IQSEC1: variants seen among roughly 807,000 people sequenced by gnomAD.
IQSEC1 encodes IQ motif and Sec7 domain ArfGEF 1.
IQSEC1 carries 31 observed loss-of-function variants against 91.0 expected under a neutral mutation model. The observed-to-expected ratio is 0.34, with a 90% CI of 0.26 to 0.46. The LOEUF (loss-of-function observed/expected upper bound fraction) is 0.46. Among genes scored for constraint, IQSEC1 ranks in the 20% least tolerant of loss-of-function variants. The pLI is 1.00. For synonymous variants in IQSEC1, 699 were observed against 662.6 expected, an observed-to-expected ratio of 1.05 and a Z score of -0.84; for missense variants, 1,388 against 1,575.6, an observed-to-expected ratio of 0.88 and a Z score of 2.02.
chr3:13,235,936 G>A (rs1200356440), intron 1 of IQSEC1, among the ~76,000 whole-genome samples: 1 of 152,108 alleles, frequency 6.6e-6, no homozygotes, highest in Non-Finnish European at 1.5e-5. Flanking sequence ...TGGGGGTTCT[G>A]GTCCCGTTCC....
At chr3:13,112,627 C>T (rs984507479) in intron 2 of IQSEC1, among the ~76,000 whole-genome samples, 9 of 152,268 alleles carry the variant, frequency 5.9e-5, no homozygotes, top group Non-Finnish European at 1.3e-4. Flanking sequence ...GTGGATGCGG[C>T]AGGAGCCTCG....
In IQSEC1 at chr3:12,920,610, G is replaced by T. The variant is rs758810959; in HGVS notation, c.1854-14C>A. On this transcript the variant is annotated splice_polypyrimidine_tract_variant and intron_variant, in intron 5 of 13. Transcript: ENST00000613206. ...CAGTAGCGCTGGCTGCGGGCCGGGA[G>T]GGAGGGGGTCAGGGCCATGGCGCAG... 1.2e-6 allele frequency: 2 copies of T among 1,613,516 alleles called. No homozygotes were observed. The highest frequency in any genetic ancestry group is 2.7e-5 in the African/African-American group (2 of 75,060).
chr3:12,899,198 GGCCA>G lies in IQSEC1; in HGVS notation c.*1781_*1784del, dbSNP rs958228598. ...TGAGGAGGGAAATCGGCAAAACCCT[GGCCA>G]GCCAGCCAGCCAAGGTGACACACAG... On this transcript the variant is annotated 3_prime_UTR_variant, in exon 14 of 14. Transcript: ENST00000613206. The G allele has an allele frequency of 1.5e-4, 91 of 623,040 alleles. No individual in the cohort carries two copies. Among genetic ancestry groups the G allele is most frequent in the East Asian group, 6.1e-4 (22 of 35,812 alleles). The allele number at this position is 623,040 out of a possible 1,614,324, so 38.6% of individuals were successfully genotyped here.
intron 2 of IQSEC1, among the ~76,000 whole-genome samples, chr3:13,128,504 A>G (rs913303093): frequency 2.6e-5 from 4 of 152,224 alleles, no homozygotes; most frequent in African/African-American, 9.7e-5. Context: ...TCTGGAATAA[A>G]TCCCACTTAG....
intron 1 of IQSEC1, among the ~76,000 whole-genome samples, chr3:12,954,766 A>G (rs1199713063): frequency 6.6e-6 from 1 of 152,220 alleles, no homozygotes; most frequent in Non-Finnish European, 1.5e-5. Context: ...GAATCTGCTC[A>G]ATGAATGAAT....
At chr3:13,045,967 C>T (rs946528566) in intron 1 of IQSEC1, among the ~76,000 whole-genome samples, 5 of 152,218 alleles carry the variant, frequency 3.3e-5, no homozygotes, top group Non-Finnish European at 7.3e-5. Flanking sequence ...TAGCATTTGA[C>T]TACAGGAAGA....
At chr3:13,169,275 C>A (rs997809865) in intron 1 of IQSEC1, among the ~76,000 whole-genome samples, 3 of 152,192 alleles carry the variant, frequency 2.0e-5, no homozygotes, top group Non-Finnish European at 4.4e-5. Context: ...TCTGTCTTTG[C>A]CTGACGCCAT....
chr3:13,111,767 G>A (rs900458174), intron 2 of IQSEC1, among the ~76,000 whole-genome samples: 1 of 152,170 alleles, frequency 6.6e-6, no homozygotes. Flanking sequence ...CAGCGAGAAG[G>A]CAGCCGTCTG....
chr3:13,192,172 A>C (rs1442195828), intron 1 of IQSEC1, among the ~76,000 whole-genome samples: 1 of 151,624 alleles, frequency 6.6e-6, no homozygotes, highest in Non-Finnish European at 1.5e-5. Flanking sequence ...CGTCTCTACT[A>C]AAAATACAAA....
chr3:13,175,498 T>C (rs959665071), intron 1 of IQSEC1, among the ~76,000 whole-genome samples: 2 of 152,176 alleles, frequency 1.3e-5, no homozygotes, highest in African/African-American at 4.8e-5. Context: ...GGAAGCACGC[T>C]GAGTCCCTCA....
At chr3:13,232,970 T>C (rs1235548694) in intron 1 of IQSEC1, among the ~76,000 whole-genome samples, 1 of 151,982 alleles carries the variant, frequency 6.6e-6, no homozygotes, top group Non-Finnish European at 1.5e-5. Context: ...TGCCCGGGGC[T>C]GGGGGAGGGA....
intron 2 of IQSEC1, among the ~76,000 whole-genome samples, chr3:13,138,389 C>T (rs575680960): frequency 2.6e-5 from 4 of 151,936 alleles, no homozygotes; most frequent in Non-Finnish European, 5.9e-5. Context: ...GCCTTGGAAC[C>T]CCACCTGGGC....
At chr3:12,931,763 C>T (rs1171574184) in intron 3 of IQSEC1, among the ~76,000 whole-genome samples, 3 of 152,296 alleles carry the variant, frequency 2.0e-5, no homozygotes, top group East Asian at 1.9e-4. Context: ...GGATGGGACC[C>T]GAGGCTGCTG....
chr3:13,169,669 T>A (rs987937124), intron 1 of IQSEC1, among the ~76,000 whole-genome samples: 10 of 152,352 alleles, frequency 6.6e-5, no homozygotes, highest in African/African-American at 2.2e-4. Flanking sequence ...AGAAACTTGT[T>A]GGGAATTGGA....
At chr3:13,247,678 C>T (rs1450029455) in intron 1 of IQSEC1, among the ~76,000 whole-genome samples, 2 of 152,198 alleles carry the variant, frequency 1.3e-5, no homozygotes, top group African/African-American at 2.4e-5. Flanking sequence ...GCCGCCTTCT[C>T]ACTTCCAAGT....
rs1024338346 is a variant in IQSEC1, at chr3:13,174,082, C to T, written c.273-9949G>A. Among the ~76,000 whole-genome samples, 13 of 152,298 alleles carry T rather than the reference C, an allele frequency of 8.5e-5. No homozygotes were observed. The East Asian group carries it at 1.5e-3, about 18-fold the overall frequency. On this transcript the variant is annotated intron_variant, in intron 1 of 15. Coordinates refer to the IQSEC1 transcript ENST00000648114. The stretch of plus-strand genomic sequence containing the variant: ...AACTACACTCACTGAGCCAGAGGCC[C>T]GGGTTCCTACCCGCTTCCCCACAGC...
chr3:13,149,792 A>C (rs1454561494), intron 2 of IQSEC1, among the ~76,000 whole-genome samples: 1 of 152,074 alleles, frequency 6.6e-6, no homozygotes, highest in African/African-American at 2.4e-5. Flanking sequence ...CTGCACTGCC[A>C]TGTTGCCCTG....
chr3:13,090,060 C>A (rs1705811456), intron 2 of IQSEC1, among the ~76,000 whole-genome samples: 1 of 151,582 alleles, frequency 6.6e-6, no homozygotes, highest in Admixed American at 6.6e-5. Flanking sequence ...CTAAAAAATA[C>A]AAAAAATATT....
At chr3:13,066,705 C>T (rs1427301475) in intron 1 of IQSEC1, among the ~76,000 whole-genome samples, 2 of 152,148 alleles carry the variant, frequency 1.3e-5, no homozygotes, top group Non-Finnish European at 2.9e-5. Flanking sequence ...CACTGCCCCA[C>T]CCCGTTCTCT....
Sources: gnomAD v4.1 joint callset for allele counts (sites outside exome capture counted in the v4.1 genomes callset) on GRCh38, gnomAD v4.1.1 for gene constraint, MANE v1.5 for transcripts, NCBI Gene and HGNC (gene_info 2026-07-23, HGNC 2026-07-21) for gene names.